The following NIPA2 variants were observed in gnomAD, a reference collection of about 807,000 sequenced individuals.
NIPA2 encodes the protein NIPA magnesium transporter 2, also known as magnesium transporter NIPA2.
NIPA2 carries 11 observed loss-of-function variants against 29.7 expected under a neutral mutation model. The observed-to-expected ratio is 0.37, with a 90% CI of 0.23 to 0.61. The LOEUF (loss-of-function observed/expected upper bound fraction) is 0.61. Among genes scored for constraint, NIPA2 ranks in the 20% least tolerant of loss-of-function variants. The pLI is 0.66. For missense variants in NIPA2, 426 were observed against 437.9 expected (o/e 0.97, Z 0.24); for synonymous variants, 183 against 161.9 (o/e 1.13, Z -0.99).
rs146627511 is a variant in NIPA2, at chr15:22,847,703, C to T, written c.-94+2436C>T. On this transcript the variant is annotated intron_variant, in intron 3 of 7. Coordinates refer to ENST00000337451, the MANE Select transcript of NIPA2 (RefSeq NM_030922.7). ...GGTCTCGAAATCCTGACCTCGTGATCTGCCCACCTCGGCCTCCCAAAGTGT... is the reference window on the plus strand; with the variant it reads ...GGTCTCGAAATCCTGACCTCGTGATTTGCCCACCTCGGCCTCCCAAAGTGT... 4.6e-3 allele frequency among the ~76,000 whole-genome samples: 693 copies of T among 152,270 alleles called. 5 individuals are homozygous for T. The highest frequency in any genetic ancestry group is 0.016 in the African/African-American group (651 of 41,556).
intron 3 of NIPA2, among the ~76,000 whole-genome samples, chr15:22,845,779 T>C (rs1336255004): frequency 6.6e-6 from 1 of 152,040 alleles, no homozygotes; most frequent in Non-Finnish European, 1.5e-5. Context: ...AGGGGGACTC[T>C]CGAAAGCCAT....
At chr15:22,851,980 A>AG in intron 4 of NIPA2, 110 bp downstream of exon 4, 2 of 942,564 alleles carry the variant, frequency 2.1e-6, no homozygotes, top group Non-Finnish European at 3.2e-6. Flanking sequence ...TGAAACTTTG[A>AG]ATTGTTCAAG....
At chr15:22,847,197 C>T (rs749501599) in intron 3 of NIPA2, among the ~76,000 whole-genome samples, 2 of 151,690 alleles carry the variant, frequency 1.3e-5, no homozygotes, top group Non-Finnish European at 2.9e-5. Flanking sequence ...TGAGCCACCG[C>T]GCCCGGCCTT....
chr15:22,861,951 T>C (rs993225781), intron 7 of NIPA2, among the ~76,000 whole-genome samples: 7 of 151,514 alleles, frequency 4.6e-5, no homozygotes, highest in African/African-American at 1.7e-4. Context: ...TTGGCCAGGT[T>C]GGTGTCGAAC....
intron 5 of NIPA2, among the ~76,000 whole-genome samples, chr15:22,854,151 C>G (rs1395910726): frequency 1.3e-5 from 2 of 148,882 alleles, no homozygotes; most frequent in African/African-American, 5.0e-5. Flanking sequence ...TTTTTTGAGA[C>G]ACAGTCTTGC....
At chr15:22,851,617 C>G (rs572387131) in intron 3 of NIPA2, 22 bp from the exon 4 acceptor site, 1 of 808,550 alleles carries the variant, frequency 1.2e-6, no homozygotes. Context: ...GTGAAAACCA[C>G]ATTTCATTTT....
intron 7 of NIPA2, among the ~76,000 whole-genome samples, chr15:22,863,134 A>G (rs2058737894): frequency 1.3e-5 from 2 of 150,418 alleles, no homozygotes; most frequent in Admixed American, 1.3e-4. Context: ...GCTGGAGCAC[A>G]GTGGTGCAGT....
chr15:22,848,258 C>T (rs1335637671), intron 3 of NIPA2, among the ~76,000 whole-genome samples: 2 of 152,092 alleles, frequency 1.3e-5, no homozygotes, highest in Non-Finnish European at 2.9e-5. Context: ...CTTGCATTTT[C>T]ACTTCCATCT....
At chr15:22,841,308 G>T (rs1157293015) in intron 2 of NIPA2, among the ~76,000 whole-genome samples, 1 of 152,106 alleles carries the variant, frequency 6.6e-6, no homozygotes, top group Admixed American at 6.5e-5. Context: ...ACACCCCTCA[G>T]ACTAGATTAG....
Position 22,860,750 on chromosome 15 carries a change from G to A in NIPA2, c.409G>A (p.Glu137Lys), listed in dbSNP as rs1595395875. The change falls in exon 7 of 8, where the codon GAG (glutamate) becomes AAG (lysine). Residue 137 changes from glutamate (E) to lysine (K), a missense_variant. Transcript: ENST00000337451. ...TCATGCTCCAAAGGAAGAGGAGATT[G>A]AGACTTTAAATGAAATGTCTCACAA... ...VIHAPKEEEIETLNEMSHKLG... is the reference protein window; with the variant it reads ...VIHAPKEEEIKTLNEMSHKLG... 1 of 1,601,042 alleles carries A rather than the reference G, an allele frequency of 6.2e-7. No homozygotes were observed. The highest frequency in any genetic ancestry group is 2.3e-5 in the East Asian group (1 of 44,250).
At chr15:22,859,326 T>C (rs2058450146) in intron 6 of NIPA2, among the ~76,000 whole-genome samples, 2 of 138,984 alleles carry the variant, frequency 1.4e-5, no homozygotes, top group Admixed American at 1.5e-4. Context: ...GGAGTCTTGC[T>C]CTGTCGCCCA....
At chr15:22,850,404 G>A (rs944519065) in intron 3 of NIPA2, among the ~76,000 whole-genome samples, 8 of 152,074 alleles carry the variant, frequency 5.3e-5, no homozygotes, top group East Asian at 1.9e-4. Context: ...ATGGCCAAGC[G>A]GCAAATCAGG....
intron 3 of NIPA2, among the ~76,000 whole-genome samples, chr15:22,848,193 C>T (rs2057424104): frequency 1.3e-5 from 2 of 152,114 alleles, no homozygotes; most frequent in East Asian, 1.9e-4. Flanking sequence ...AGGGCTGAAG[C>T]GTTTGGGTAG....
In NIPA2 at chr15:22,867,375, CTCTT is replaced by C. The variant is rs781327953; in HGVS notation, c.*533_*536del. ...AAACTAAGTTACTGAATGAAGGAACCTCTTTCTTACAAAACAAAAAAAAGGGCAG... is the reference window on the plus strand; with the variant it reads ...AAACTAAGTTACTGAATGAAGGAACCTCTTACAAAACAAAAAAAAGGGCAG... On this transcript the variant is annotated 3_prime_UTR_variant, in exon 8 of 8. Transcript: ENST00000337451. The C allele has an allele frequency of 1.0e-5, 4 of 391,318 alleles. No individual in the cohort carries two copies. The highest frequency in any genetic ancestry group is 6.2e-5 in the African/African-American group (3 of 48,420). The allele number at this position is 391,318 out of a possible 1,614,324, so 24.2% of individuals were successfully genotyped here. A position where few individuals can be genotyped will look rare whatever the true frequency, so the allele number is the denominator to read the frequency against.
intron 3 of NIPA2, among the ~76,000 whole-genome samples, chr15:22,848,248 CT>C (rs752521214): frequency 3.3e-5 from 5 of 152,070 alleles, no homozygotes; most frequent in Non-Finnish European, 7.4e-5. Context: ...AACCATTTTC[CT>C]TGCATTTTCA....
rs187730230 is a variant in NIPA2, at chr15:22,851,959, G to A, written c.139+89G>A. On this transcript the variant is annotated intron_variant, in intron 4 of 7. Transcript: ENST00000337451. ...GTACAAGACCACATCTTCATTCCTC[G>A]TGAGTGTATTTGAAACTTTGAATTG... The A allele has an allele frequency of 3.2e-5, 35 of 1,079,676 alleles. No individual in the cohort carries two copies. The East Asian group carries it at 6.0e-4, about 19-fold the overall frequency. The allele number at this position is 1,079,676 out of a possible 1,614,324, so 66.9% of individuals were successfully genotyped here.
At position 22,860,746 on chromosome 15, in the gene NIPA2, G is replaced by A; in HGVS notation, c.405G>A (p.Glu135=). 1 of 1,601,112 alleles carries A rather than the reference G, an allele frequency of 6.2e-7. No individual in the cohort carries two copies. The highest frequency in any genetic ancestry group is 8.5e-7 in the Non-Finnish European group (1 of 1,176,362). Residue 135 remains glutamate (E), a synonymous_variant, in exon 7 of 8, where the codon GAG becomes GAA. Coordinates refer to ENST00000337451, the MANE Select transcript of NIPA2 (RefSeq NM_030922.7). Reference sequence around the variant, plus strand: ...TCATTCATGCTCCAAAGGAAGAGGAGATTGAGACTTTAAATGAAATGTCTC... The same window carrying A: ...TCATTCATGCTCCAAAGGAAGAGGAAATTGAGACTTTAAATGAAATGTCTC... ...VMVIHAPKEE[E]IETLNEMSHK...
intron 3 of NIPA2, among the ~76,000 whole-genome samples, chr15:22,845,863 ATAAAT>A (rs796408817): frequency 1.0e-3 from 155 of 152,312 alleles, no homozygotes; most frequent in African/African-American, 3.6e-3. Flanking sequence ...CCCATAACAC[ATAAAT>A]TAAAATAAAA....
At chr15:22,850,674 A>G (rs1258406147) in intron 3 of NIPA2, among the ~76,000 whole-genome samples, 2 of 152,158 alleles carry the variant, frequency 1.3e-5, no homozygotes, top group Admixed American at 6.6e-5. Context: ...ATACTGTTTG[A>G]ATGGATGGAT....
Sources: gnomAD v4.1 joint callset for allele counts (sites outside exome capture counted in the v4.1 genomes callset) on GRCh38, gnomAD v4.1.1 for gene constraint, MANE v1.5 for transcripts, NCBI Gene and HGNC (gene_info 2026-07-23, HGNC 2026-07-21) for gene names.